The following PFKFB3 variants were observed in gnomAD, a reference collection of about 807,000 sequenced individuals.
PFKFB3 encodes 6-phosphofructo-2-kinase/fructose-2,6-biphosphatase 3.
A neutral mutation model predicts 68.0 loss-of-function variants in PFKFB3; 33 were observed. The observed-to-expected ratio is 0.49, with a 90% confidence interval of 0.37 to 0.65. The LOEUF is 0.65. PFKFB3 is among the 30% of genes least tolerant of loss of function. The pLI is 0.00. For synonymous variants in PFKFB3, 315 were observed against 288.2 expected (o/e 1.09, Z -0.94); for missense variants, 586 against 712.2 (o/e 0.82, Z 2.02).
At chr10:6,165,212 G>C (rs914201191) in intron 1 of PFKFB3, among the ~76,000 whole-genome samples, 4 of 152,120 alleles carry the variant, frequency 2.6e-5, no homozygotes, top group Non-Finnish European at 5.9e-5. Context: ...GAATGGCGAT[G>C]ACTTTTACCA....
chr10:6,206,763 T>A (rs1843757426), intron 1 of PFKFB3, among the ~76,000 whole-genome samples: 1 of 128,040 alleles, frequency 7.8e-6, no homozygotes, highest in South Asian at 2.5e-4. Context: ...CTTTCCAGAC[T>A]GGGCAGCCAG....
intron 13 of PFKFB3, 191 bp downstream of exon 13, chr10:6,224,404 A>G (rs1845180082): frequency 3.2e-6 from 2 of 627,904 alleles, no homozygotes; most frequent in Admixed American, 5.2e-5. Context: ...GGGCCTTCTC[A>G]TTTTCTTTCT....
chr10:6,243,945 G>T (rs1053915850), intron 14 of PFKFB3, among the ~76,000 whole-genome samples: 1 of 151,890 alleles, frequency 6.6e-6, no homozygotes, highest in Admixed American at 6.6e-5. Flanking sequence ...GGCTGGTCTC[G>T]AACTCCTGGG....
chr10:6,176,210 A>G (rs968241921), intron 1 of PFKFB3, among the ~76,000 whole-genome samples: 13 of 152,336 alleles, frequency 8.5e-5, no homozygotes, highest in Non-Finnish European at 1.5e-4. Context: ...AACCAGGCCA[A>G]GTAAAACAGA....
the PFKFB3 span, among the ~76,000 whole-genome samples, chr10:6,273,582 A>G: frequency 4.3e-4 from 65 of 152,180 alleles, no homozygotes; most frequent in Middle Eastern, 3.2e-3. Context: ...TAAGGACTGA[A>G]TTGCATCCCT....
intron 12 of PFKFB3, 50 bp downstream of exon 12, chr10:6,224,070 A>G (rs779381681): frequency 1.2e-6 from 2 of 1,612,510 alleles, no homozygotes; most frequent in Non-Finnish European, 1.7e-6. Flanking sequence ...TGGCCACAGT[A>G]GCTTCTTGTG....
intron 1 of PFKFB3, among the ~76,000 whole-genome samples, chr10:6,157,395 T>A (rs1588392378): frequency 6.6e-6 from 1 of 152,014 alleles, no homozygotes; most frequent in African/African-American, 2.4e-5. Context: ...CCCAGCTAAT[T>A]TTTTGTATTT....
At chr10:6,210,366 T>TTTTTTTTG (rs1844104727) in intron 1 of PFKFB3, among the ~76,000 whole-genome samples, 1 of 86,292 alleles carries the variant, frequency 1.2e-5, no homozygotes, top group African/African-American at 3.2e-5. Context: ...GTTTTTTTGT[T>TTTTTTTTG]TTTTTTTTTT....
chr10:6,205,805 TATTC>T (rs1554847845), intron 1 of PFKFB3, among the ~76,000 whole-genome samples: 1 of 150,682 alleles, frequency 6.6e-6, no homozygotes, highest in Non-Finnish European at 1.5e-5. Flanking sequence ...TTTATTTATT[TATTC>T]ATTTTTGAGG....
chr10:6,289,040 T>C, the PFKFB3 span, among the ~76,000 whole-genome samples: 2 of 151,218 alleles, frequency 1.3e-5, no homozygotes, highest in Non-Finnish European at 2.9e-5. Flanking sequence ...CACCCACTTT[T>C]TGATGGGGTT....
rs920183017 is a variant in PFKFB3 at position 6,203,120 on chromosome 10, C to T, written c.-141C>T. The T allele has an allele frequency of 6.7e-7, 1 of 1,481,672 alleles. No homozygotes were observed. Among genetic ancestry groups the T allele is most frequent in the Non-Finnish European group, 8.9e-7 (1 of 1,119,032 alleles). 91.8% of individuals were successfully genotyped at this position (1,481,672 alleles called of 1,614,324 possible). ...CCGGAACTTAGCCCAAAGCACGTTTCCCCTGGCAGCGCAGGAAACGCCCGG... is the reference window on the plus strand; with the variant it reads ...CCGGAACTTAGCCCAAAGCACGTTTTCCCTGGCAGCGCAGGAAACGCCCGG... On this transcript the variant is annotated 5_prime_UTR_variant, in exon 1 of 15. Transcript: ENST00000379775.
At chr10:6,313,418 C>T in the PFKFB3 span, among the ~76,000 whole-genome samples, 2 of 152,180 alleles carry the variant, frequency 1.3e-5, no homozygotes, top group African/African-American at 4.8e-5. This position sits in a 1 kb window ranked among gnomAD's most constrained non-coding sequence, Gnocchi z 4.2. Context: ...AGGTGCCGAA[C>T]ACGCTGGGTG....
intron 1 of PFKFB3, among the ~76,000 whole-genome samples, chr10:6,171,825 A>C (rs1386486783): frequency 6.6e-6 from 1 of 152,268 alleles, no homozygotes. Flanking sequence ...AAAAGTTTGG[A>C]TATCTCAGCT....
At chr10:6,194,022 G>A (rs1461203023) in intron 1 of PFKFB3, among the ~76,000 whole-genome samples, 1 of 152,184 alleles carries the variant, frequency 6.6e-6, no homozygotes, top group East Asian at 1.9e-4. Context: ...AGGCCTGACA[G>A]TTTCTATTAA....
intron 1 of PFKFB3, among the ~76,000 whole-genome samples, chr10:6,182,508 C>T (rs1401108956): frequency 6.6e-6 from 1 of 152,202 alleles, no homozygotes; most frequent in Non-Finnish European, 1.5e-5. Context: ...AAGTCCCAGG[C>T]CGATCCCTTC....
chr10:6,247,429 A>G (rs1846283668), intron 14 of PFKFB3, among the ~76,000 whole-genome samples: 1 of 152,248 alleles, frequency 6.6e-6, no homozygotes, highest in Non-Finnish European at 1.5e-5. Flanking sequence ...TGCAAAAACA[A>G]CTGGGAGGAA....
At chr10:6,280,743 G>C in the PFKFB3 span, among the ~76,000 whole-genome samples, 1 of 152,042 alleles carries the variant, frequency 6.6e-6, no homozygotes, top group African/African-American at 2.4e-5. Flanking sequence ...ACTGTTCCCT[G>C]ATTGGGAACA....
intron 1 of PFKFB3, among the ~76,000 whole-genome samples, chr10:6,177,397 T>TTTCTTTCTTTCTTTCTTTCTTTCTTTC (rs1564599633): frequency 6.9e-6 from 1 of 144,394 alleles, no homozygotes; most frequent in African/African-American, 2.5e-5. Context: ...TCTTTCTTTC[T>TTTCTTTCTTTCTTTCTTTCTTTCTTTC]TTCTTTCTTT....
chr10:6,190,674 A>G (rs1842997755), intron 1 of PFKFB3, among the ~76,000 whole-genome samples: 4 of 152,160 alleles, frequency 2.6e-5, no homozygotes, highest in Admixed American at 2.6e-4. Context: ...ATTGTACCAG[A>G]TTTGGCCAGT....
Sources: gnomAD v4.1 joint callset for allele counts (sites outside exome capture counted in the v4.1 genomes callset) on GRCh38, gnomAD v4.1.1 for gene constraint, Gnocchi (gnomAD v3.1) non-coding constraint, MANE v1.5 for transcripts, NCBI Gene and HGNC (gene_info 2026-07-23, HGNC 2026-07-21) for gene names.